Variants in SANBR observed in about 807,000 individuals in gnomAD.
The protein encoded by SANBR is SANT and BTB domain regulator of class switch recombination.
Under a neutral mutation model 101.8 loss-of-function variants are expected in SANBR, and 77 were observed. That is an observed-to-expected ratio of 0.76 (90% CI 0.63 to 0.91). The LOEUF is 0.91. Among genes scored for constraint, SANBR ranks in the 40% least tolerant of loss-of-function variants. SANBR has a pLI of 0.00. For synonymous variants in SANBR, 279 were observed against 274.7 expected, an observed-to-expected ratio of 1.02 and a Z score of -0.15; for missense variants, 875 against 853.0, an observed-to-expected ratio of 1.03 and a Z score of -0.32.
At chr2:61,114,824 CTTTAAGATTT>C (rs1245452461) in intron 16 of SANBR, among the ~76,000 whole-genome samples, 1 of 151,994 alleles carries the variant, frequency 6.6e-6, no homozygotes, top group Non-Finnish European at 1.5e-5. Context: ...CCCAGCTAAT[CTTTAAGATTT>C]TTTGTAGAGA....
intron 8 of SANBR, among the ~76,000 whole-genome samples, chr2:61,084,309 TAAGTA>T (rs1682307906): frequency 6.6e-6 from 1 of 152,196 alleles, no homozygotes; most frequent in Non-Finnish European, 1.5e-5. Context: ...TTAAATGAAG[TAAGTA>T]AAGTGAAGTA....
At chr2:61,101,597 G>A (rs1472802479) in intron 12 of SANBR, among the ~76,000 whole-genome samples, 1 of 152,072 alleles carries the variant, frequency 6.6e-6, no homozygotes, top group Non-Finnish European at 1.5e-5. Flanking sequence ...GCCGGGCTTG[G>A]TGGCGGGCGC....
intron 20 of SANBR, among the ~76,000 whole-genome samples, chr2:61,133,939 T>C (rs987395187): frequency 1.3e-5 from 2 of 152,236 alleles, no homozygotes; most frequent in African/African-American, 4.8e-5. Flanking sequence ...AATTGTATGA[T>C]ATGTGGATTA....
intron 20 of SANBR, among the ~76,000 whole-genome samples, chr2:61,131,710 A>G (rs1684693315): frequency 6.6e-6 from 1 of 152,166 alleles, no homozygotes; most frequent in Non-Finnish European, 1.5e-5. Flanking sequence ...TTATGTGAAA[A>G]CTCAAGGGAT....
At position 61,073,509 on chromosome 2, in the gene SANBR, G is replaced by T. The variant is rs151251854; in HGVS notation, c.389G>T (p.Cys130Phe). The T allele has an allele frequency of 1.6e-5, 25 of 1,587,610 alleles. No homozygotes were observed. The highest frequency in any genetic ancestry group is 3.5e-5 in the Admixed American group (2 of 57,804). Residue 130 changes from cysteine to phenylalanine, a missense_variant, in exon 5 of 22, where the codon TGT becomes TTT. Coordinates refer to ENST00000402291, the MANE Select transcript of SANBR (RefSeq NM_001129993.3). ...AATTGTTCTTCAGAAAGTGAAAATT[G>T]TACTACTCATAATGGTGGAGAAATG... ...TRNCSSESEN[C>F]TTHNGGEMTE...
chr2:61,106,413 A>G, intron 13 of SANBR, 150 bp from the exon 14 acceptor site: 2 of 489,270 alleles, frequency 4.1e-6, no homozygotes, highest in Non-Finnish European at 7.0e-6. Context: ...AAAAAAAAAA[A>G]AGGAAATGTC....
intron 20 of SANBR, among the ~76,000 whole-genome samples, chr2:61,119,261 A>T (rs1446966792): frequency 1.3e-5 from 2 of 152,234 alleles, no homozygotes; most frequent in African/African-American, 4.8e-5. Context: ...TTTATTTAAA[A>T]ATTTACTTCC....
Position 61,109,227 on chromosome 2 carries a change from G to T in SANBR, c.1675G>T (p.Glu559Ter), listed in dbSNP as rs761033657. Residue 559 changes from glutamate (E) to a stop codon, truncating the protein, a stop_gained, in exon 16 of 22, where the codon GAA becomes TAA. Transcript: ENST00000402291. LOFTEE classifies it high-confidence loss of function. Reference protein sequence around the residue: ...KQQSLFSEEEEYTTGSEVTED... With the variant: ...KQQSLFSEEE ...ACAGTCACTGTTTTCAGAAGAAGAA[G>T]AATATACCACTGGATCTGAGGTCAC... The T allele has an allele frequency of 6.5e-7, 1 of 1,549,768 alleles. No homozygotes were observed. The highest frequency in any genetic ancestry group is 1.3e-5 in the South Asian group (1 of 76,626).
intron 12 of SANBR, among the ~76,000 whole-genome samples, chr2:61,103,131 TTC>T (rs1398082690): frequency 6.7e-6 from 1 of 148,474 alleles, no homozygotes; most frequent in African/African-American, 2.6e-5. Flanking sequence ...AACATAATTT[TTC>T]TTTCTTTTTT....
At chr2:61,097,322 T>C (rs1192683357) in intron 11 of SANBR, among the ~76,000 whole-genome samples, 1 of 152,242 alleles carries the variant, frequency 6.6e-6, no homozygotes, top group African/African-American at 2.4e-5. Context: ...ATAGCTTTAT[T>C]CAAGTAGAAT....
chr2:61,118,399 C>T (rs1032921593), intron 20 of SANBR, among the ~76,000 whole-genome samples: 3 of 151,552 alleles, frequency 2.0e-5, no homozygotes, highest in East Asian at 1.9e-4. Flanking sequence ...CACCACCATG[C>T]GCAGCTGATT....
At position 61,123,860 on chromosome 2, in the gene SANBR, G is replaced by A. The variant is rs183234700; in HGVS notation, c.*1698G>A. 1.7e-5 allele frequency: 15 copies of A among 882,370 alleles called. No individual in the cohort carries two copies. Among genetic ancestry groups the A allele is most frequent in the Non-Finnish European group, 2.0e-5 (15 of 736,046 alleles). The allele number at this position is 882,370 out of a possible 1,614,324, so 54.7% of individuals were successfully genotyped here. ...TAATCCCAGCACTTTGGGAGGCCGA[G>A]GCGGGCAGATCACCTGAGGTCAGGA... is the stretch of plus-strand genomic sequence containing the variant. On this transcript the variant is annotated 3_prime_UTR_variant, in exon 22 of 22. Coordinates refer to ENST00000402291, the MANE Select transcript of SANBR (RefSeq NM_001129993.3).
intron 4 of SANBR, among the ~76,000 whole-genome samples, chr2:61,072,441 A>G (rs1681522442): frequency 6.6e-6 from 1 of 152,040 alleles, no homozygotes; most frequent in African/African-American, 2.4e-5. Flanking sequence ...AGCTTGGTGG[A>G]TGGTGCACAC....
At chr2:61,082,658 A>C (rs1300248093) in intron 7 of SANBR, among the ~76,000 whole-genome samples, 1 of 152,198 alleles carries the variant, frequency 6.6e-6, no homozygotes, top group African/African-American at 2.4e-5. Context: ...GTATCTACTA[A>C]AAATACAAAA....
downstream of SANBR, among the ~76,000 whole-genome samples, chr2:61,128,195 C>A (rs1684571621): frequency 1.3e-5 from 2 of 151,690 alleles, 1 homozygote; most frequent in South Asian, 4.2e-4. Flanking sequence ...TCGCTTGAAC[C>A]CGGGAGGTGG....
In SANBR at chr2:61,092,529, A is replaced by G. The variant is rs759897183; in HGVS notation, c.1154A>G (p.Asp385Gly). 1 of 1,607,900 alleles carries G rather than the reference A, an allele frequency of 6.2e-7. No individual in the cohort carries two copies. Among genetic ancestry groups the G allele is most frequent in the East Asian group, 2.2e-5 (1 of 44,722 alleles). The change falls in exon 11 of 22, where the codon GAT (aspartate) becomes GGT (glycine). Residue 385 changes from aspartate (D) to glycine (G), a missense_variant. By Grantham distance (94) the Asp-to-Gly change is moderately conservative. Transcript: ENST00000402291. ...TTCGAAGAATTAAAATCTTGGAGAG[A>G]TGTATACTGGCGATTGTGGGGAACA... ...SLFEELKSWRDVYWRLWGTIN... is the reference protein window; with the variant it reads ...SLFEELKSWRGVYWRLWGTIN...
intron 16 of SANBR, among the ~76,000 whole-genome samples, chr2:61,111,323 G>A (rs555177151): frequency 1.3e-3 from 191 of 152,270 alleles, no homozygotes; most frequent in Non-Finnish European, 1.4e-3. Context: ...AACCTGGGAG[G>A]CGGAGCTTGC....
intron 16 of SANBR, among the ~76,000 whole-genome samples, chr2:61,114,504 C>G (rs1471154769): frequency 6.6e-6 from 1 of 152,150 alleles, no homozygotes; most frequent in African/African-American, 2.4e-5. Context: ...AGCCATAACT[C>G]TATCCTGAGG....
intron 10 of SANBR, chr2:61,089,059 GCT>G: frequency 1.0e-6 from 1 of 973,942 alleles, no homozygotes; most frequent in South Asian, 4.8e-5. Flanking sequence ...CCTTTAAAAT[GCT>G]CTCTTTTCAC....
Sources: gnomAD v4.1 joint callset for allele counts (sites outside exome capture counted in the v4.1 genomes callset) on GRCh38, gnomAD v4.1.1 for gene constraint, MANE v1.5 for transcripts, NCBI Gene and HGNC (gene_info 2026-07-23, HGNC 2026-07-21) for gene names.